Variants in OXNAD1 observed in about 807,000 individuals in gnomAD.
The protein encoded by OXNAD1 is oxidoreductase NAD binding domain containing 1.
OXNAD1 carries 34 observed loss-of-function variants against 32.9 expected under a neutral mutation model. That is an observed-to-expected ratio of 1.03 (90% confidence interval 0.79 to 1.38). The LOEUF (loss-of-function observed/expected upper bound fraction) is 1.38, where lower values mean the gene tolerates loss of function less well. Among genes scored for constraint, OXNAD1 ranks in the 40% most tolerant of loss-of-function variants. OXNAD1 has a pLI of 0.00. For missense variants in OXNAD1, 407 were observed against 379.4 expected (o/e 1.07, Z -0.60); for synonymous variants, 134 against 135.2 (o/e 0.99, Z 0.06).
intron 9 of OXNAD1, among the ~76,000 whole-genome samples, chr3:16,332,192 G>A (rs2070387349): frequency 6.6e-6 from 1 of 151,784 alleles, no homozygotes; most frequent in African/African-American, 2.4e-5. Context: ...CCTTTGATAA[G>A]TTTTCTCCCC....
intron 9 of OXNAD1, among the ~76,000 whole-genome samples, chr3:16,343,902 G>A (rs919015422): frequency 6.6e-5 from 10 of 152,168 alleles, no homozygotes; most frequent in African/African-American, 2.4e-4. Context: ...TCTTATAGAT[G>A]GCCCCACAAA....
In OXNAD1 at chr3:16,265,899, G is replaced by C; in HGVS notation, c.-159+394G>C. ...TTTCGTTGTGAAAGAAATGGTGTCA[G>C]TAGGCAGGTTTATCAGTGTGAGGCC... On this transcript the variant is annotated intron_variant, in intron 1 of 8. Transcript: ENST00000285083. The surrounding 1 kb of genome is among the most constrained non-coding windows in gnomAD (Gnocchi z 4.8). 1.0e-6 allele frequency: 1 copy of C among 985,278 alleles called. No individual in the cohort carries two copies. The highest frequency in any genetic ancestry group is 1.2e-6 in the Non-Finnish European group (1 of 829,762). 61.0% of individuals were successfully genotyped at this position (985,278 alleles called of 1,614,324 possible).
chr3:16,286,596 C>A, intron 5 of OXNAD1, 148 bp downstream of exon 5: 1 of 686,668 alleles, frequency 1.5e-6, no homozygotes, highest in Non-Finnish European at 2.4e-6. Context: ...CCTTTGTTGG[C>A]ACAGAGGATC....
At position 16,277,023 on chromosome 3, in the gene OXNAD1, CAA is replaced by C. The variant is rs749881889; in HGVS notation, c.183+5302_183+5303del. ...CACTGCAACCTCTGCCTCCCGGGTT[CAA>C]GTGACTCTCCTGCCTCAGCCTCCCC... On this transcript the variant is annotated intron_variant, in intron 4 of 8. Coordinates refer to ENST00000285083, the MANE Select transcript of OXNAD1 (RefSeq NM_138381.5). This position sits in a 1 kb window ranked among gnomAD's most constrained non-coding sequence, Gnocchi z 4.3. Among the ~76,000 whole-genome samples, 56 of 151,556 alleles carry C rather than the reference CAA, an allele frequency of 3.7e-4. No homozygotes were observed. Among genetic ancestry groups the C allele is most frequent in the Middle Eastern group, 3.4e-3 (1 of 294 alleles).
At chr3:16,294,223 A>G (rs1255138524) in intron 5 of OXNAD1, among the ~76,000 whole-genome samples, 2 of 148,144 alleles carry the variant, frequency 1.4e-5, no homozygotes, top group Non-Finnish European at 3.0e-5. Context: ...TTTTCTTGAC[A>G]TGAAGTTTCG....
At chr3:16,278,579 T>C (rs2065517620) in intron 4 of OXNAD1, among the ~76,000 whole-genome samples, 1 of 152,252 alleles carries the variant, frequency 6.6e-6, no homozygotes, top group Admixed American at 6.5e-5. Context: ...CTGTCTTGAA[T>C]GATAAATTAT....
chr3:16,311,813 CA>C (rs2068000504), intron 9 of OXNAD1, among the ~76,000 whole-genome samples: 1 of 152,192 alleles, frequency 6.6e-6, no homozygotes, highest in Non-Finnish European at 1.5e-5. Context: ...AATCTGATGT[CA>C]TCAGTGGCCT....
At position 16,311,188 on chromosome 3, in the gene OXNAD1, A is replaced by T. The variant is rs900204530; in HGVS notation, c.*30+7596A>T. Among the ~76,000 whole-genome samples the T allele has an allele frequency of 2.5e-4, 28 of 112,804 alleles. 1 individual carries two copies. In the Admixed American group the frequency reaches 2.5e-3, roughly 10 times the overall value. The allele number at this position is 112,804 out of a possible 152,430, so 74.0% of individuals were successfully genotyped here. ...GTTCTTTGGGTCTTTTTTTAAAAAT[A>T]TTATATATTTTATATATTTTTTTCA... is the stretch of plus-strand genomic sequence containing the variant. On this transcript the variant is annotated intron_variant, in intron 9 of 9. Transcript: ENST00000435829.
downstream of OXNAD1, among the ~76,000 whole-genome samples, chr3:16,307,786 GA>G (rs56361060): frequency 7.6e-5 from 9 of 118,126 alleles, no homozygotes; most frequent in African/African-American, 2.5e-4. Flanking sequence ...GCAAAGACAA[GA>G]CAGGGTTCCT....
At chr3:16,309,300 A>G (rs993766202), downstream of OXNAD1, among the ~76,000 whole-genome samples, 1 of 152,234 alleles carries the variant, frequency 6.6e-6, no homozygotes, top group Non-Finnish European at 1.5e-5. Context: ...TAGAATTACT[A>G]GAAGTGCCAT....
At position 16,344,533 on chromosome 3, in the gene OXNAD1, A is replaced by G. The variant is rs774624493; in HGVS notation, c.*31-4643A>G. Reference sequence around the variant, plus strand: ...AACTAGAATGCTTTATGTGGAGCCCAAGAGCATCCATGTTCTTATTCTTAG... The same window carrying G: ...AACTAGAATGCTTTATGTGGAGCCCGAGAGCATCCATGTTCTTATTCTTAG... On this transcript the variant is annotated intron_variant, in intron 9 of 9. Coordinates refer to the OXNAD1 transcript ENST00000606098. The surrounding 1 kb of genome is among the most constrained non-coding windows in gnomAD (Gnocchi z 4.4). Among the ~76,000 whole-genome samples, 36 of 152,120 alleles carry G rather than the reference A, an allele frequency of 2.4e-4. No homozygotes were observed. Among genetic ancestry groups the G allele is most frequent in the Non-Finnish European group, 3.4e-4 (23 of 68,014 alleles).
At chr3:16,307,852 C>G (rs1411775865), downstream of OXNAD1, among the ~76,000 whole-genome samples, 1 of 152,152 alleles carries the variant, frequency 6.6e-6, no homozygotes, top group Non-Finnish European at 1.5e-5. Context: ...GTATATTTAT[C>G]AAAACTAGGG....
chr3:16,324,050 G>T lies in OXNAD1; in HGVS notation c.*31-13062G>T, dbSNP rs1197770994. 2.0e-5 allele frequency among the ~76,000 whole-genome samples: 3 copies of T among 152,182 alleles called. No homozygotes were observed. The East Asian group carries it at 5.8e-4, about 29-fold the overall frequency. ...ACAGTGAATTCTCTCTTCCCAGGAAGGCAGGACCTGGAGCTGCCTCTAAAG... is the reference window on the plus strand; with the variant it reads ...ACAGTGAATTCTCTCTTCCCAGGAATGCAGGACCTGGAGCTGCCTCTAAAG... On this transcript the variant is annotated intron_variant, in intron 9 of 9. Transcript: ENST00000435829.
At chr3:16,332,218 CT>C (rs1213029957) in intron 9 of OXNAD1, among the ~76,000 whole-genome samples, 2 of 151,954 alleles carry the variant, frequency 1.3e-5, no homozygotes, top group South Asian at 4.2e-4. Context: ...TTTCTATCTT[CT>C]TTTTTTCTGG....
At chr3:16,331,533 C>G (rs999245758) in intron 9 of OXNAD1, among the ~76,000 whole-genome samples, 3 of 152,056 alleles carry the variant, frequency 2.0e-5, no homozygotes, top group African/African-American at 7.2e-5. Flanking sequence ...TTAATTATTA[C>G]CTCCATTTTT....
chr3:16,279,162 T>C (rs1191986626), intron 4 of OXNAD1, among the ~76,000 whole-genome samples: 1 of 152,208 alleles, frequency 6.6e-6, no homozygotes, highest in Admixed American at 6.5e-5. Context: ...CTTCACACTG[T>C]CAGCAGTGAC....
chr3:16,270,401 C>G (rs1258687254), intron 2 of OXNAD1, among the ~76,000 whole-genome samples: 1 of 152,156 alleles, frequency 6.6e-6, no homozygotes, highest in Non-Finnish European at 1.5e-5. Context: ...GTGAATGTAT[C>G]ACAGTTACCT....
In OXNAD1 at chr3:16,345,840, GCA is replaced by G. The variant is rs2071671538; in HGVS notation, c.*31-3333_*31-3332del. ...TGTGCGCGCGCGCGTGCGCGCACGC[GCA>G]CATGTGCATGTGTATGTGTATAATC... On this transcript the variant is annotated intron_variant, in intron 9 of 9. Transcript: ENST00000606098. This position sits in a 1 kb window ranked among gnomAD's most constrained non-coding sequence, Gnocchi z 5.2. Among the ~76,000 whole-genome samples, 1 of 71,942 alleles carries G rather than the reference GCA, an allele frequency of 1.4e-5. No homozygotes were observed. Among genetic ancestry groups the G allele is most frequent in the Non-Finnish European group, 2.9e-5 (1 of 34,494 alleles). 47.2% of individuals were successfully genotyped at this position (71,942 alleles called of 152,430 possible).
In OXNAD1 at chr3:16,334,099, A is replaced by G. The variant is rs2070612291; in HGVS notation, c.*31-3013A>G. 6.6e-6 allele frequency among the ~76,000 whole-genome samples: 1 copy of G among 152,216 alleles called. No individual in the cohort carries two copies. Among genetic ancestry groups the G allele is most frequent in the African/African-American group, 2.4e-5 (1 of 41,458 alleles). On this transcript the variant is annotated intron_variant, in intron 9 of 9. Coordinates refer to the OXNAD1 transcript ENST00000435829. This position sits in a 1 kb window ranked among gnomAD's most constrained non-coding sequence, Gnocchi z 4.3. The stretch of plus-strand genomic sequence containing the variant: ...AGAATGGCTTGAACCTAGGAGGCAG[A>G]AGCTGCAGTGAGCCGAGATCGTGCC...
Sources: gnomAD v4.1 joint callset for allele counts (sites outside exome capture counted in the v4.1 genomes callset) on GRCh38, gnomAD v4.1.1 for gene constraint, Gnocchi (gnomAD v3.1) non-coding constraint, MANE v1.5 for transcripts, NCBI Gene and HGNC (gene_info 2026-07-23, HGNC 2026-07-21) for gene names.